The following CSMD1 variants were observed in gnomAD, a reference collection of about 807,000 sequenced individuals.
CSMD1 encodes CUB and sushi domain-containing protein 1.
A neutral mutation model predicts 417.5 loss-of-function variants in CSMD1; 213 were observed. The ratio of observed to expected loss-of-function variants is 0.51; its 90% CI spans 0.46 to 0.57. The LOEUF is 0.57. Ranked by LOEUF, CSMD1 falls within the 20% of genes least tolerant of loss-of-function variation. The pLI is 0.00. For synonymous variants in CSMD1, 2,862 were observed against 1,736.8 expected, an observed-to-expected ratio of 1.65 and a Z score of -16.11; for missense variants, 6,923 against 4,529.7, an observed-to-expected ratio of 1.53 and a Z score of -15.17.
At chr8:4,726,501 C>T (rs1003747436) in intron 1 of CSMD1, among the ~76,000 whole-genome samples, 1 of 152,066 alleles carries the variant, frequency 6.6e-6, no homozygotes, top group African/African-American at 2.4e-5. Flanking sequence ...TCAAATAAGA[C>T]CTCAATGGAC....
intron 3 of CSMD1, among the ~76,000 whole-genome samples, chr8:4,323,488 C>T (rs1445677029): frequency 3.8e-5 from 3 of 79,892 alleles, no homozygotes; most frequent in East Asian, 7.2e-4. Flanking sequence ...CTAGGGCTTT[C>T]TCTGAAACCT....
intron 12 of CSMD1, among the ~76,000 whole-genome samples, chr8:3,438,136 G>C (rs1365401625): frequency 6.6e-6 from 1 of 152,120 alleles, no homozygotes; most frequent in African/African-American, 2.4e-5. Flanking sequence ...CTGTGATTTG[G>C]TAAATAATTA....
At chr8:3,327,860 G>T (rs1806635248) in intron 23 of CSMD1, among the ~76,000 whole-genome samples, 1 of 152,070 alleles carries the variant, frequency 6.6e-6, no homozygotes, top group Non-Finnish European at 1.5e-5. Context: ...TATGCCCTGT[G>T]TCCTTCTGTT....
chr8:3,952,298 G>A (rs1387810423), intron 5 of CSMD1, among the ~76,000 whole-genome samples: 1 of 152,120 alleles, frequency 6.6e-6, no homozygotes, highest in Non-Finnish European at 1.5e-5. Context: ...CTACGCGAAA[G>A]GTGTCGTGGC....
chr8:3,690,792 A>G (rs771514174), intron 7 of CSMD1, among the ~76,000 whole-genome samples: 99 of 152,356 alleles, frequency 6.5e-4, no homozygotes, highest in Non-Finnish European at 1.2e-3. Flanking sequence ...TTATAAAAAA[A>G]GGAATAGTCA....
chr8:4,883,246 A>T (rs935565916), intron 1 of CSMD1, among the ~76,000 whole-genome samples: 1 of 152,136 alleles, frequency 6.6e-6, no homozygotes, highest in African/African-American at 2.4e-5. Flanking sequence ...CAAGGATCAG[A>T]TAAGAGAATG....
At chr8:4,605,233 G>A (rs1800804083) in intron 2 of CSMD1, among the ~76,000 whole-genome samples, 1 of 151,930 alleles carries the variant, frequency 6.6e-6, no homozygotes, top group African/African-American at 2.4e-5. Context: ...TACAAATAAG[G>A]CAAATACTAA....
At chr8:4,374,278 T>A (rs1802578663) in intron 3 of CSMD1, among the ~76,000 whole-genome samples, 1 of 152,180 alleles carries the variant, frequency 6.6e-6, no homozygotes, top group Admixed American at 6.5e-5. Context: ...TAATACAGCC[T>A]ACCTACTGTT....
intron 5 of CSMD1, among the ~76,000 whole-genome samples, chr8:3,889,799 T>C (rs532053350): frequency 6.6e-6 from 1 of 152,174 alleles, no homozygotes; most frequent in Non-Finnish European, 1.5e-5. Flanking sequence ...TATCCCATAC[T>C]CTTCTGTTGC....
intron 2 of CSMD1, among the ~76,000 whole-genome samples, chr8:4,608,080 T>C (rs567309644): frequency 6.6e-6 from 1 of 152,228 alleles, no homozygotes; most frequent in African/African-American, 2.4e-5. Context: ...AGATGGTGCT[T>C]GGTGTATTCG....
chr8:3,391,701 G>T (rs958669007), intron 17 of CSMD1, among the ~76,000 whole-genome samples: 2 of 152,162 alleles, frequency 1.3e-5, no homozygotes, highest in African/African-American at 2.4e-5. Flanking sequence ...AGTGAATGCT[G>T]TTTACAGTAG....
At chr8:4,390,904 G>A (rs1483165308) in intron 3 of CSMD1, among the ~76,000 whole-genome samples, 2 of 152,164 alleles carry the variant, frequency 1.3e-5, no homozygotes, top group Admixed American at 6.5e-5. Flanking sequence ...CCCCCAAAAT[G>A]TAGAAAGGTA....
At position 3,466,069 on chromosome 8, in the gene CSMD1, C is replaced by A. The variant is rs970685713; in HGVS notation, c.1561+2643G>T. ...AAAACATCATGTTTGTAGAAAAAATCTCAAAATTAAAATGAAAATGCAAAC... is the reference window on the plus strand; with the variant it reads ...AAAACATCATGTTTGTAGAAAAAATATCAAAATTAAAATGAAAATGCAAAC... On this transcript the variant is annotated intron_variant, in intron 12 of 69. Coordinates refer to ENST00000635120, the MANE Select transcript of CSMD1 (RefSeq NM_033225.6). 6.6e-5 allele frequency among the ~76,000 whole-genome samples: 10 copies of A among 152,134 alleles called. 1 individual carries two copies. Among genetic ancestry groups the A allele is most frequent in the Admixed American group, 4.6e-4 (7 of 15,260 alleles).
At chr8:3,218,577 A>G (rs1307874454) in intron 29 of CSMD1, among the ~76,000 whole-genome samples, 2 of 150,612 alleles carry the variant, frequency 1.3e-5, no homozygotes, top group African/African-American at 4.9e-5. Flanking sequence ...AAAAAAAAAA[A>G]GAAATTATTT....
intron 26 of CSMD1, among the ~76,000 whole-genome samples, chr8:3,278,121 T>C (rs764245721): frequency 2.0e-5 from 3 of 152,024 alleles, no homozygotes; most frequent in Non-Finnish European, 2.9e-5. Context: ...GAGCCAATGA[T>C]AGAGTGACCC....
chr8:3,062,852 G>C (rs958831539), intron 49 of CSMD1, among the ~76,000 whole-genome samples: 7 of 152,166 alleles, frequency 4.6e-5, no homozygotes, highest in Non-Finnish European at 7.3e-5. Flanking sequence ...AGCTGTGCAA[G>C]TAACTGACTT....
chr8:4,724,252 G>A (rs1302879651), intron 1 of CSMD1, among the ~76,000 whole-genome samples: 1 of 151,950 alleles, frequency 6.6e-6, no homozygotes, highest in African/African-American at 2.4e-5. Flanking sequence ...GTATTATCAG[G>A]CTGGCTAATG....
intron 28 of CSMD1, among the ~76,000 whole-genome samples, 170 bp from the exon 29 acceptor site, chr8:3,219,612 A>T (rs1798086181): frequency 6.6e-6 from 1 of 152,242 alleles, no homozygotes; most frequent in Non-Finnish European, 1.5e-5. Flanking sequence ...ATAAAATAGC[A>T]ATAGTATAAA....
intron 5 of CSMD1, among the ~76,000 whole-genome samples, chr8:3,905,130 C>G (rs924078489): frequency 2.6e-5 from 4 of 151,944 alleles, no homozygotes. Context: ...CCAAGAAATT[C>G]AGAGAGAATC....
Sources: gnomAD v4.1 joint callset for allele counts (sites outside exome capture counted in the v4.1 genomes callset) on GRCh38, gnomAD v4.1.1 for gene constraint, MANE v1.5 for transcripts, NCBI Gene and HGNC (gene_info 2026-07-23, HGNC 2026-07-21) for gene names.